The following PAK5 variants were observed in gnomAD, a reference collection of about 807,000 sequenced individuals.
PAK5 encodes p21 (RAC1) activated kinase 5.
In PAK5, 16 loss-of-function variants were observed where a neutral mutation model predicts 65.9. The observed-to-expected ratio is 0.24, with a 90% CI of 0.16 to 0.37. The LOEUF is 0.37. Among genes scored for constraint, PAK5 ranks in the 10% least tolerant of loss-of-function variants. PAK5 has a pLI of 1.00. For missense variants in PAK5, 785 were observed against 903.9 expected (o/e 0.87, Z 1.69); for synonymous variants, 371 against 354.9 (o/e 1.05, Z -0.51).
At chr20:9,686,111 A>G (rs867325660) in intron 2 of PAK5, among the ~76,000 whole-genome samples, 6 of 152,254 alleles carry the variant, frequency 3.9e-5, no homozygotes, top group African/African-American at 1.4e-4. Context: ...TTCTTCAGTA[A>G]TAGAATCTAG....
chr20:9,762,333 G>C (rs978533394), intron 1 of PAK5, among the ~76,000 whole-genome samples: 1 of 152,120 alleles, frequency 6.6e-6, no homozygotes, highest in African/African-American at 2.4e-5. Context: ...ACAACCTATG[G>C]AATAGTAGAA....
intron 4 of PAK5, among the ~76,000 whole-genome samples, chr20:9,579,253 C>T (rs1285265381): frequency 6.6e-6 from 1 of 152,122 alleles, no homozygotes; most frequent in Non-Finnish European, 1.5e-5. Flanking sequence ...CTATGTAATC[C>T]ACATTCCACA....
At chr20:9,805,644 A>G (rs1016834767) in intron 1 of PAK5, among the ~76,000 whole-genome samples, 2 of 152,174 alleles carry the variant, frequency 1.3e-5, no homozygotes, top group African/African-American at 4.8e-5. Context: ...CTCCATTTAT[A>G]TTAGATATAA....
intron 3 of PAK5, among the ~76,000 whole-genome samples, chr20:9,628,787 G>GTC (rs1331943769): frequency 6.6e-6 from 1 of 152,198 alleles, no homozygotes; most frequent in Non-Finnish European, 1.5e-5. Context: ...GTTTCCCTGA[G>GTC]TCTCTCTACC....
At chr20:9,790,285 G>A (rs1293045257) in intron 1 of PAK5, among the ~76,000 whole-genome samples, 1 of 152,052 alleles carries the variant, frequency 6.6e-6, no homozygotes, top group Non-Finnish European at 1.5e-5. Context: ...AGCATCTTAT[G>A]TAAACAAATT....
chr20:9,553,593 A>G (rs549191505), intron 7 of PAK5, among the ~76,000 whole-genome samples: 2 of 152,170 alleles, frequency 1.3e-5, no homozygotes, highest in South Asian at 4.2e-4. Context: ...AATATATGGA[A>G]TCATATAGTG....
intron 3 of PAK5, among the ~76,000 whole-genome samples, chr20:9,604,337 G>A (rs75177152): frequency 0.01 from 1,524 of 152,312 alleles, 9 homozygotes; most frequent in Non-Finnish European, 0.017. Context: ...AAGCAATTGC[G>A]GTTTTCCTGC....
At chr20:9,743,469 T>C (rs2048473341) in intron 1 of PAK5, among the ~76,000 whole-genome samples, 1 of 151,804 alleles carries the variant, frequency 6.6e-6, no homozygotes, top group African/African-American at 2.4e-5. Context: ...TAAATCTAAA[T>C]GGCTTAAACT....
At chr20:9,558,693 C>A (rs1488913349) in intron 6 of PAK5, among the ~76,000 whole-genome samples, 1 of 152,180 alleles carries the variant, frequency 6.6e-6, no homozygotes, top group Non-Finnish European at 1.5e-5. Context: ...CTCCAAGGAG[C>A]TAGAGGTTTT....
chr20:9,578,909 G>T (rs147495250), intron 4 of PAK5, among the ~76,000 whole-genome samples: 1 of 152,130 alleles, frequency 6.6e-6, no homozygotes, highest in African/African-American at 2.4e-5. Flanking sequence ...TTAACTGGAG[G>T]AACATATCTC....
chr20:9,554,130 A>C (rs1434764665), intron 7 of PAK5, among the ~76,000 whole-genome samples: 1 of 152,252 alleles, frequency 6.6e-6, no homozygotes, highest in African/African-American at 2.4e-5. Context: ...TGTGGCAGAC[A>C]GTATTTTCCA....
At chr20:9,548,280 C>G (rs1015657595) in intron 7 of PAK5, among the ~76,000 whole-genome samples, 5 of 152,016 alleles carry the variant, frequency 3.3e-5, no homozygotes, top group Admixed American at 6.6e-5. Flanking sequence ...GATGATTTTT[C>G]TTGCATATTC....
intron 1 of PAK5, among the ~76,000 whole-genome samples, chr20:9,794,020 C>A (rs2049078221): frequency 6.6e-6 from 1 of 152,038 alleles, no homozygotes; most frequent in South Asian, 2.1e-4. Flanking sequence ...AGATCATGTC[C>A]TTTGCAGGGA....
intron 2 of PAK5, among the ~76,000 whole-genome samples, chr20:9,660,756 C>T (rs6118680): frequency 0.18 from 27,848 of 151,860 alleles, 2,932 homozygotes; most frequent in East Asian, 0.4. Context: ...AAGTGCAAGG[C>T]CTGGAGATGT....
intron 1 of PAK5, among the ~76,000 whole-genome samples, chr20:9,749,343 ACTTT>A (rs2048547378): frequency 6.6e-6 from 1 of 152,122 alleles, no homozygotes; most frequent in Admixed American, 6.6e-5. Context: ...TAGAGACAGA[ACTTT>A]CTAATAATCT....
At chr20:9,761,856 G>A (rs2048704165) in intron 1 of PAK5, among the ~76,000 whole-genome samples, 2 of 152,088 alleles carry the variant, frequency 1.3e-5, no homozygotes, top group Non-Finnish European at 2.9e-5. Flanking sequence ...ACCTCCTTAA[G>A]GGTAGAGTAG....
chr20:9,750,835 A>G (rs1600325673), intron 1 of PAK5, among the ~76,000 whole-genome samples: 1 of 152,084 alleles, frequency 6.6e-6, no homozygotes, highest in South Asian at 2.1e-4. Context: ...TATGGTCCCA[A>G]TTGATACCAC....
intron 1 of PAK5, among the ~76,000 whole-genome samples, chr20:9,823,342 AG>A (rs2049445564): frequency 2.0e-5 from 3 of 152,320 alleles, no homozygotes; most frequent in Middle Eastern, 3.4e-3. Context: ...TTGTTATAGC[AG>A]CAGGAATGGA....
intron 1 of PAK5, among the ~76,000 whole-genome samples, chr20:9,757,771 T>C (rs2048652070): frequency 1.3e-5 from 2 of 152,198 alleles, no homozygotes; most frequent in Admixed American, 1.3e-4. Context: ...ATCTCCTTCA[T>C]GCTGTTCTAT....
Sources: allele counts gnomAD v4.1 joint callset (sites outside exome capture counted in the v4.1 genomes callset), GRCh38; gene constraint gnomAD v4.1.1; transcripts MANE v1.5; gene names NCBI Gene and HGNC (gene_info 2026-07-23, HGNC 2026-07-21).